PPP1R9A: variants seen among roughly 807,000 people sequenced by gnomAD.
PPP1R9A encodes neurabin-1.
In PPP1R9A, 59 loss-of-function variants were observed where a neutral mutation model predicts 141.9. That is an observed-to-expected ratio of 0.42 (90% confidence interval 0.34 to 0.52). The LOEUF (loss-of-function observed/expected upper bound fraction) is 0.52. Ranked by LOEUF, PPP1R9A falls within the 20% of genes least tolerant of loss-of-function variation. PPP1R9A has a pLI of 0.10. For missense variants in PPP1R9A, 1,444 were observed against 1,611.9 expected (o/e 0.90, Z 1.78); for synonymous variants, 500 against 569.7 (o/e 0.88, Z 1.74).
intron 2 of PPP1R9A, among the ~76,000 whole-genome samples, chr7:94,995,177 A>G (rs1158071804): frequency 6.6e-6 from 1 of 151,662 alleles, no homozygotes; most frequent in Non-Finnish European, 1.5e-5. Context: ...TCTTGCTGTC[A>G]TTGTTTTTCA....
chr7:95,132,005 G>A (rs1172289573), intron 4 of PPP1R9A, among the ~76,000 whole-genome samples: 2 of 152,126 alleles, frequency 1.3e-5, no homozygotes, highest in Non-Finnish European at 2.9e-5. Context: ...TGGTATTGAT[G>A]TATAGAAATG....
chr7:95,255,170 A>G (rs1401802401), intron 12 of PPP1R9A, among the ~76,000 whole-genome samples: 1 of 152,114 alleles, frequency 6.6e-6, no homozygotes, highest in Non-Finnish European at 1.5e-5. Context: ...CTTAGTGCCT[A>G]AATAATGCCA....
chr7:95,202,643 A>G (rs1256200696), intron 6 of PPP1R9A: 2 of 887,220 alleles, frequency 2.3e-6, no homozygotes, highest in Non-Finnish European at 2.7e-6. Flanking sequence ...GGTATGATAA[A>G]TTTTTCAACT....
At chr7:94,967,379 G>C (rs774592363) in intron 2 of PPP1R9A, among the ~76,000 whole-genome samples, 1 of 151,676 alleles carries the variant, frequency 6.6e-6, no homozygotes, top group Non-Finnish European at 1.5e-5. Flanking sequence ...GTTTGCTCTT[G>C]CTTCTCTAGT....
At chr7:95,019,269 C>T (rs1404102966) in intron 2 of PPP1R9A, among the ~76,000 whole-genome samples, 1 of 152,086 alleles carries the variant, frequency 6.6e-6, no homozygotes, top group African/African-American at 2.4e-5. Flanking sequence ...GTGGCAGGCG[C>T]CTGTAATCCC....
At chr7:95,029,708 TAATA>T (rs1383051380) in intron 2 of PPP1R9A, among the ~76,000 whole-genome samples, 1 of 152,238 alleles carries the variant, frequency 6.6e-6, no homozygotes, top group Non-Finnish European at 1.5e-5. Context: ...GAATTTTATC[TAATA>T]AATCCCAGGG....
chr7:95,213,943 T>A (rs796246903), intron 7 of PPP1R9A, among the ~76,000 whole-genome samples: 4 of 152,192 alleles, frequency 2.6e-5, no homozygotes, highest in South Asian at 4.1e-4. Flanking sequence ...ATAATGTTGC[T>A]AAGCTTTGTG....
rs1244428109 is a variant in PPP1R9A at position 95,072,360 on chromosome 7, ATAT to A, written c.1396-38891_1396-38889del. On this transcript the variant is annotated intron_variant, in intron 2 of 19. Coordinates refer to ENST00000433360, the MANE Select transcript of PPP1R9A (RefSeq NM_001166160.2). Reference sequence around the variant, plus strand: ...ATAATATAAGTTATATTATTATATAATATTATTATTTGTGAGAATATCAAGGGG... The same window carrying A: ...ATAATATAAGTTATATTATTATATAATATTATTTGTGAGAATATCAAGGGG... Among the ~76,000 whole-genome samples the A allele has an allele frequency of 4.9e-5, 7 of 144,112 alleles. No individual in the cohort carries two copies. In the East Asian group the frequency reaches 9.9e-4, roughly 20 times the overall value. 94.5% of individuals were successfully genotyped at this position (144,112 alleles called of 152,430 possible).
intron 12 of PPP1R9A, among the ~76,000 whole-genome samples, chr7:95,255,493 A>C (rs946597400): frequency 1.3e-5 from 2 of 152,150 alleles, no homozygotes; most frequent in African/African-American, 4.8e-5. Flanking sequence ...ATATCATTTA[A>C]AAAATTATTT....
intron 2 of PPP1R9A, among the ~76,000 whole-genome samples, chr7:95,008,158 T>C (rs1467804864): frequency 6.6e-6 from 1 of 152,130 alleles, no homozygotes; most frequent in Non-Finnish European, 1.5e-5. Context: ...GGTTTTATGG[T>C]AAGAAACAAA....
intron 2 of PPP1R9A, among the ~76,000 whole-genome samples, chr7:94,981,963 A>C (rs938969948): frequency 6.6e-6 from 1 of 151,584 alleles, no homozygotes; most frequent in Non-Finnish European, 1.5e-5. Context: ...TCCTAATGCT[A>C]TCCCTCCCCC....
chr7:95,279,040 A>T (rs1161099529), intron 16 of PPP1R9A, among the ~76,000 whole-genome samples: 1 of 152,218 alleles, frequency 6.6e-6, no homozygotes, highest in Non-Finnish European at 1.5e-5. Context: ...ATTGTTTATT[A>T]AAGCAGGTTT....
intron 2 of PPP1R9A, among the ~76,000 whole-genome samples, chr7:94,980,610 T>G (rs957508851): frequency 1.3e-5 from 2 of 151,800 alleles, no homozygotes; most frequent in East Asian, 3.9e-4. Context: ...TTAGTGTTTT[T>G]TTTTTTTTTT....
intron 5 of PPP1R9A, among the ~76,000 whole-genome samples, chr7:95,167,204 G>A (rs1299948802): frequency 2.6e-5 from 4 of 152,106 alleles, no homozygotes; most frequent in Non-Finnish European, 5.9e-5. Context: ...GAGTGCTTAT[G>A]TAGGGAAACT....
At chr7:95,187,011 G>A (rs1351139307) in intron 5 of PPP1R9A, among the ~76,000 whole-genome samples, 5 of 152,070 alleles carry the variant, frequency 3.3e-5, no homozygotes, top group African/African-American at 4.8e-5. Context: ...GTATTAGGGT[G>A]ATACTGGCTT....
At chr7:94,908,225 G>C (rs373170868) in intron 1 of PPP1R9A, 47 of 151,194 alleles carry the variant, frequency 3.1e-4, no homozygotes, top group African/African-American at 1.1e-3. Flanking sequence ...TGAGTTGCAG[G>C]CTGGGGGTGG....
chr7:95,106,730 A>G (rs1183947750), intron 2 of PPP1R9A, among the ~76,000 whole-genome samples: 1 of 152,168 alleles, frequency 6.6e-6, no homozygotes, highest in Non-Finnish European at 1.5e-5. Flanking sequence ...ATTGATAACT[A>G]CTTTCTAGTT....
chr7:95,006,933 G>A (rs1314712651), intron 2 of PPP1R9A, among the ~76,000 whole-genome samples: 1 of 151,834 alleles, frequency 6.6e-6, no homozygotes, highest in African/African-American at 2.4e-5. Context: ...TGCGATCTTG[G>A]CTCATCGCAA....
chr7:95,015,725 A>C (rs1340671285), intron 2 of PPP1R9A, among the ~76,000 whole-genome samples: 1 of 152,088 alleles, frequency 6.6e-6, no homozygotes, highest in African/African-American at 2.4e-5. Flanking sequence ...ATGATTCAAG[A>C]AGGTCAGTGA....
Sources: gnomAD v4.1 joint callset for allele counts (sites outside exome capture counted in the v4.1 genomes callset) on GRCh38, gnomAD v4.1.1 for gene constraint, MANE v1.5 for transcripts, NCBI Gene and HGNC (gene_info 2026-07-23, HGNC 2026-07-21) for gene names.